RTTN: variants seen among roughly 807,000 people sequenced by gnomAD.
RTTN encodes the protein rotatin.
A neutral mutation model predicts 269.2 loss-of-function variants in RTTN; 182 were observed. The observed-to-expected ratio is 0.68, with a 90% CI of 0.60 to 0.76. The LOEUF (loss-of-function observed/expected upper bound fraction) is 0.76, where lower values mean the gene tolerates loss of function less well. Among genes scored for constraint, RTTN ranks in the 30% least tolerant of loss-of-function variants. The pLI is 0.00. For missense variants in RTTN, 2,545 were observed against 2,608.6 expected, an observed-to-expected ratio of 0.98 and a Z score of 0.53; for synonymous variants, 1,006 against 963.5, an observed-to-expected ratio of 1.04 and a Z score of -0.82.
chr18:70,095,823 G>T (rs1399813883), intron 28 of RTTN, among the ~76,000 whole-genome samples: 1 of 152,084 alleles, frequency 6.6e-6, no homozygotes, highest in East Asian at 1.9e-4. Flanking sequence ...TGTATTTCCT[G>T]AATTGGAATG....
At position 70,128,566 on chromosome 18, in the gene RTTN, A is replaced by G. The variant is rs766772855; in HGVS notation, c.2955-20T>C. 3.7e-6 allele frequency: 6 copies of G among 1,601,528 alleles called. No homozygotes were observed. Among genetic ancestry groups the G allele is most frequent in the Admixed American group, 1.7e-5 (1 of 59,414 alleles). ...TGGTACCTAAAGAAAATGTGTACAAATAATTACAAACTTTCAAATTCTTAA... is the reference window on the plus strand; with the variant it reads ...TGGTACCTAAAGAAAATGTGTACAAGTAATTACAAACTTTCAAATTCTTAA... On this transcript the variant is annotated intron_variant, in intron 23 of 48. Transcript: ENST00000640769.
At chr18:70,023,835 T>G (rs1016866132) in intron 44 of RTTN, among the ~76,000 whole-genome samples, 1 of 152,136 alleles carries the variant, frequency 6.6e-6, no homozygotes, top group Non-Finnish European at 1.5e-5. Context: ...CAGGCTGGAG[T>G]ATAGTGGCGT....
chr18:70,115,458 C>G (rs537727337), intron 26 of RTTN, among the ~76,000 whole-genome samples: 1 of 151,124 alleles, frequency 6.6e-6, no homozygotes, highest in Non-Finnish European at 1.5e-5. Flanking sequence ...TTACATTAAT[C>G]AGAAGCATTA....
chr18:70,140,185 A>C lies in RTTN; in HGVS notation c.2585T>G (p.Ile862Ser). Residue 862 changes from isoleucine (I) to serine (S), a missense_variant, in exon 20 of 49, where the codon ATT (isoleucine) becomes AGT (serine). By Grantham distance (142) the Ile-to-Ser change is moderately radical. Coordinates refer to ENST00000640769, the MANE Select transcript of RTTN (RefSeq NM_173630.4). ...AEQLAVIMQDIKMHAVVKKLC... is the reference protein window; with the variant it reads ...AEQLAVIMQDSKMHAVVKKLC... ...CTTTTTCACCACAGCATGCATTTTAATATCTGTAGATAAAAAAAGTTACTA... is the reference window on the plus strand; with the variant it reads ...CTTTTTCACCACAGCATGCATTTTACTATCTGTAGATAAAAAAAGTTACTA... 2 of 1,533,674 alleles carry C rather than the reference A, an allele frequency of 1.3e-6. No individual in the cohort carries two copies. Among genetic ancestry groups the C allele is most frequent in the East Asian group, 4.5e-5 (2 of 44,220 alleles).
intron 47 of RTTN, chr18:70,006,139 A>G (rs1439711385): frequency 2.6e-6 from 1 of 377,478 alleles, no homozygotes; most frequent in Non-Finnish European, 4.8e-6. Flanking sequence ...TTAAATTAAG[A>G]GGAAAAAGTC....
chr18:70,148,241 G>A (rs993133016), intron 17 of RTTN, among the ~76,000 whole-genome samples: 3 of 151,940 alleles, frequency 2.0e-5, no homozygotes, highest in African/African-American at 7.3e-5. Flanking sequence ...TATCCATCTC[G>A]ACTCAGCATT....
At chr18:70,171,348 C>T (rs1294624297) in intron 11 of RTTN, among the ~76,000 whole-genome samples, 1 of 152,214 alleles carries the variant, frequency 6.6e-6, no homozygotes, top group Non-Finnish European at 1.5e-5. Context: ...AGAGAGTTCT[C>T]TCTGACTCTA....
intron 39 of RTTN, among the ~76,000 whole-genome samples, chr18:70,049,409 A>G (rs1014580110): frequency 6.6e-6 from 1 of 152,170 alleles, no homozygotes; most frequent in African/African-American, 2.4e-5. Flanking sequence ...TATATTTTAA[A>G]CAAAATAATG....
chr18:70,057,790 G>A lies in RTTN; in HGVS notation c.4983C>T (p.Leu1661=), dbSNP rs1397253498. ...ATLIQTCVQE[L]RALLPSSPPA... ...GAGGTGATGAAGGCAGCAGGGCTCT[G>A]AGTTCCTGGACACATGTCTGTATGA... The change falls in exon 37 of 49, where the codon CTC becomes CTT. Residue 1661 remains leucine, a synonymous_variant. Coordinates refer to ENST00000640769, the MANE Select transcript of RTTN (RefSeq NM_173630.4). The A allele has an allele frequency of 6.2e-7, 1 of 1,613,874 alleles. No individual in the cohort carries two copies. Among genetic ancestry groups the A allele is most frequent in the Admixed American group, 1.7e-5 (1 of 60,004 alleles).
intron 35 of RTTN, among the ~76,000 whole-genome samples, chr18:70,065,270 TAAAA>T (rs61422284): frequency 7.5e-6 from 1 of 132,938 alleles, no homozygotes; most frequent in Non-Finnish European, 1.6e-5. Flanking sequence ...CTCTAGAATT[TAAAA>T]AAAAAAAAAA....
intron 31 of RTTN, among the ~76,000 whole-genome samples, chr18:70,087,174 C>G (rs2058723969): frequency 6.6e-6 from 1 of 152,000 alleles, no homozygotes; most frequent in African/African-American, 2.4e-5. Context: ...TCCAACTTGA[C>G]TAGATCCTGA....
At chr18:70,094,154 T>C (rs569219137) in intron 28 of RTTN, among the ~76,000 whole-genome samples, 1 of 152,312 alleles carries the variant, frequency 6.6e-6, no homozygotes, top group East Asian at 1.9e-4. Context: ...CCTTTTATCA[T>C]TTTTTATTGT....
chr18:70,156,669 T>A (rs1467054940), intron 14 of RTTN, among the ~76,000 whole-genome samples: 1 of 152,116 alleles, frequency 6.6e-6, no homozygotes, highest in African/African-American at 2.4e-5. Context: ...ATGTGATGTC[T>A]CCCCCGGACG....
At chr18:70,080,537 A>G (rs933825069) in intron 32 of RTTN, among the ~76,000 whole-genome samples, 1 of 152,226 alleles carries the variant, frequency 6.6e-6, no homozygotes, top group African/African-American at 2.4e-5. Context: ...AAGAATCTTC[A>G]ATCCATGCTG....
intron 36 of RTTN, 134 bp from the exon 37 acceptor site, chr18:70,057,966 T>C (rs2057865999): frequency 1.7e-6 from 1 of 572,822 alleles, no homozygotes; most frequent in Non-Finnish European, 3.0e-6. Context: ...GCAAAGAAAA[T>C]GTTTATAAAA....
chr18:70,097,840 G>A (rs910876974), intron 28 of RTTN, among the ~76,000 whole-genome samples: 7 of 152,126 alleles, frequency 4.6e-5, no homozygotes, highest in South Asian at 2.1e-4. Context: ...TATTTGAAAC[G>A]TAGGTGTGAT....
intron 4 of RTTN, among the ~76,000 whole-genome samples, chr18:70,200,845 T>C (rs1048391391): frequency 6.6e-6 from 1 of 152,250 alleles, no homozygotes; most frequent in Non-Finnish European, 1.5e-5. Context: ...ATGTGGTCAC[T>C]AATAATACCA....
chr18:70,090,976 T>A (rs2058829335), intron 30 of RTTN, among the ~76,000 whole-genome samples: 1 of 152,224 alleles, frequency 6.6e-6, no homozygotes, highest in Non-Finnish European at 1.5e-5. Flanking sequence ...TTCTTCCTTT[T>A]TTTCCTATTT....
chr18:70,134,765 T>C (rs139778340), intron 22 of RTTN, among the ~76,000 whole-genome samples: 1 of 152,276 alleles, frequency 6.6e-6, no homozygotes, highest in East Asian at 1.9e-4. Context: ...ATTCATACAA[T>C]GCAGTGGTGG....
Sources: allele counts gnomAD v4.1 joint callset (sites outside exome capture counted in the v4.1 genomes callset), GRCh38; gene constraint gnomAD v4.1.1; transcripts MANE v1.5; gene names NCBI Gene and HGNC (gene_info 2026-07-23, HGNC 2026-07-21).